MYO1G: variants seen among roughly 807,000 people sequenced by gnomAD.
The protein encoded by MYO1G is myosin IG, also known as unconventional myosin-Ig.
Under a neutral mutation model 115.3 loss-of-function variants are expected in MYO1G, and 65 were observed. The ratio of observed to expected loss-of-function variants is 0.56; its 90% CI spans 0.46 to 0.69. The LOEUF (loss-of-function observed/expected upper bound fraction) is 0.69. MYO1G is among the 30% of genes least tolerant of loss of function. MYO1G has a pLI of 0.00. For missense variants in MYO1G, 1,204 were observed against 1,393.5 expected, an observed-to-expected ratio of 0.86 and a Z score of 2.16; for synonymous variants, 510 against 552.6, an observed-to-expected ratio of 0.92 and a Z score of 1.08.
In MYO1G at chr7:44,964,281, GC is replaced by G; in HGVS notation, c.2632-120del. The G allele has an allele frequency of 7.8e-7, 1 of 1,281,922 alleles. No individual in the cohort carries two copies. The highest frequency in any genetic ancestry group is 1.1e-6 in the Non-Finnish European group (1 of 896,470). The allele number at this position is 1,281,922 out of a possible 1,614,324, so 79.4% of individuals were successfully genotyped here. On this transcript the variant is annotated intron_variant, in intron 19 of 21. Transcript: ENST00000258787. The surrounding 1 kb of genome is among the most constrained non-coding windows in gnomAD (Gnocchi z 5.1). ...GGCGACAGTTTTGGGAGTGTCAGGA[GC>G]AGCTGGGCCTGGGCTGGGGTTGCCT...
At chr7:44,972,863 G>A (rs1268458294) in intron 5 of MYO1G, 1 of 151,246 alleles carries the variant, frequency 6.6e-6, no homozygotes, top group African/African-American at 2.4e-5. Flanking sequence ...TGTCCCAAAA[G>A]TTCCCACTTC....
Position 44,964,940 on chromosome 7 carries a change from C to G in MYO1G, c.2526+5G>C. On this transcript the variant is annotated splice_donor_5th_base_variant and intron_variant, in intron 18 of 21. Coordinates refer to ENST00000258787, the MANE Select transcript of MYO1G (RefSeq NM_033054.3). This position sits in a 1 kb window ranked among gnomAD's most constrained non-coding sequence, Gnocchi z 5.1. ...CTGGCAGCCCTGGACTCGCCTGGCA[C>G]TTACAGAGGACAGGTAGTCTCGGGC... 1 of 1,590,548 alleles carries G rather than the reference C, an allele frequency of 6.3e-7. No individual in the cohort carries two copies.
Position 44,968,106 on chromosome 7 carries a change from C to T in MYO1G, c.1575-148G>A, listed in dbSNP as rs969269702. 11 of 650,516 alleles carry T rather than the reference C, an allele frequency of 1.7e-5. No homozygotes were observed. In the East Asian group the frequency reaches 3.0e-4, roughly 18 times the overall value. The allele number at this position is 650,516 out of a possible 1,614,324, so 40.3% of individuals were successfully genotyped here. ...CTCCCTCTGCCTTGGCTCCTCTCCT[C>T]CTTCCCCCTCACACCTGCTTTCTCT... is the stretch of plus-strand genomic sequence containing the variant. On this transcript the variant is annotated intron_variant, in intron 12 of 21. Transcript: ENST00000258787.
At chr7:44,978,638 G>T (rs547785066) in intron 1 of MYO1G, among the ~76,000 whole-genome samples, 1 of 152,234 alleles carries the variant, frequency 6.6e-6, no homozygotes, top group South Asian at 2.1e-4. Context: ...GGGCAGCTCC[G>T]GTGCTGACTT....
At chr7:44,971,632 T>C (rs1414274411) in intron 7 of MYO1G, 41 bp downstream of exon 7, 1 of 1,447,124 alleles carries the variant, frequency 6.9e-7, no homozygotes, top group Non-Finnish European at 9.5e-7. Context: ...AGGAAACCCT[T>C]GTGGGGAAGT....
intron 7 of MYO1G, among the ~76,000 whole-genome samples, 165 bp downstream of exon 7, chr7:44,971,508 T>C (rs938466591): frequency 7.2e-5 from 11 of 152,186 alleles, no homozygotes; most frequent in African/African-American, 2.7e-4. Flanking sequence ...GGACCATGTA[T>C]CAACTGAGCT....
rs149536776 is a variant in MYO1G, at chr7:44,970,600, G to T, written c.1209C>A (p.Pro403=). Residue 403 remains proline (P), a synonymous_variant, in exon 9 of 22, where the codon CCC becomes CCA. Transcript: ENST00000258787. ...VLDIYGFEVF[P]VNSFEQFCIN... Reference sequence around the variant, plus strand: ...GCTGGCCAGCCACCCACCTGTTGACGGGAAACACCTCGAAGCCATAGATGT... The same window carrying T: ...GCTGGCCAGCCACCCACCTGTTGACTGGAAACACCTCGAAGCCATAGATGT... 2 of 1,613,182 alleles carry T rather than the reference G, an allele frequency of 1.2e-6. No homozygotes were observed. Among genetic ancestry groups the T allele is most frequent in the African/African-American group, 1.3e-5 (1 of 74,920 alleles).
chr7:44,970,455 G>T, intron 9 of MYO1G, 137 bp downstream of exon 9: 1 of 1,141,418 alleles, frequency 8.8e-7, no homozygotes. Context: ...GGTTTGGGAG[G>T]CATGAGCCTT....
At chr7:44,973,443 A>G (rs959467957) in intron 5 of MYO1G, 3 of 152,170 alleles carry the variant, frequency 2.0e-5, no homozygotes, top group African/African-American at 7.2e-5. Flanking sequence ...TGGGCAGCCC[A>G]GAGTCCGTGG....
In MYO1G at chr7:44,970,720, C is replaced by G. The variant is rs1256124879; in HGVS notation, c.1089G>C (p.Leu363=). 2 of 1,614,026 alleles carry G rather than the reference C, an allele frequency of 1.2e-6. No homozygotes were observed. The highest frequency in any genetic ancestry group is 2.2e-5 in the South Asian group (2 of 91,086). Residue 363 remains leucine (L), a synonymous_variant, in exon 9 of 22, where the codon CTG becomes CTC. Coordinates refer to ENST00000258787, the MANE Select transcript of MYO1G (RefSeq NM_033054.3). ...DACAKAVYQR[L]FEWVVNRINS... is the part of the protein sequence containing the mutation. Reference sequence around the variant, plus strand: ...TGATCCTGTTCACCACCCACTCAAACAGCCGCTGGTACACTGCCTGGGGGA... The same window carrying G: ...TGATCCTGTTCACCACCCACTCAAAGAGCCGCTGGTACACTGCCTGGGGGA...
Position 44,969,891 on chromosome 7 carries a change from C to T in MYO1G, c.1333-16G>A. 1 of 1,594,306 alleles carries T rather than the reference C, an allele frequency of 6.3e-7. No homozygotes were observed. The highest frequency in any genetic ancestry group is 1.3e-5 in the African/African-American group (1 of 74,766). Reference sequence around the variant, plus strand: ...AATACTCAACCTGGGGCAAAGGCAGCCAGCAAGGAAGCTCCCAAGGTCTTT... The same window carrying T: ...AATACTCAACCTGGGGCAAAGGCAGTCAGCAAGGAAGCTCCCAAGGTCTTT... On this transcript the variant is annotated splice_polypyrimidine_tract_variant and intron_variant, in intron 10 of 21. Coordinates refer to ENST00000258787, the MANE Select transcript of MYO1G (RefSeq NM_033054.3). The surrounding 1 kb of genome is among the most constrained non-coding windows in gnomAD (Gnocchi z 5.0).
In MYO1G at chr7:44,963,910, G is replaced by A. The variant is rs999803429; in HGVS notation, c.2745+139C>T. 8.6e-6 allele frequency: 6 copies of A among 697,694 alleles called. No individual in the cohort carries two copies. The Admixed American group carries it at 9.5e-5, about 11-fold the overall frequency. The allele number at this position is 697,694 out of a possible 1,614,324, so 43.2% of individuals were successfully genotyped here. A position where few individuals can be genotyped will look rare whatever the true frequency, so the allele number is the denominator to read the frequency against. ...GAAGCCACTGCAGGATTTTCAGCACGGGTGCCACCATCGCTGAGTTTTAGG... is the reference window on the plus strand; with the variant it reads ...GAAGCCACTGCAGGATTTTCAGCACAGGTGCCACCATCGCTGAGTTTTAGG... On this transcript the variant is annotated intron_variant, in intron 20 of 21. Coordinates refer to ENST00000258787, the MANE Select transcript of MYO1G (RefSeq NM_033054.3). The surrounding 1 kb of genome is among the most constrained non-coding windows in gnomAD (Gnocchi z 4.1).
In MYO1G at chr7:44,964,041, T is replaced by C. The variant is rs1794795451; in HGVS notation, c.2745+8A>G. ...TGCTGCACCCTACTCCCCACCCACA[T>C]TGCTCACCGCCTCAAGGGGCACGGC... On this transcript the variant is annotated splice_region_variant and intron_variant, in intron 20 of 21. Coordinates refer to ENST00000258787, the MANE Select transcript of MYO1G (RefSeq NM_033054.3). The surrounding 1 kb of genome is among the most constrained non-coding windows in gnomAD (Gnocchi z 5.1). 1 of 1,571,364 alleles carries C rather than the reference T, an allele frequency of 6.4e-7. No homozygotes were observed. The highest frequency in any genetic ancestry group is 1.9e-5 in the Admixed American group (1 of 53,866).
intron 12 of MYO1G, 141 bp from the exon 13 acceptor site, chr7:44,968,099 C>T (rs1794880939): frequency 4.4e-6 from 3 of 674,530 alleles, no homozygotes; most frequent in African/African-American, 3.6e-5. Context: ...GCCTTGGCTC[C>T]TCTCCTCCTT....
At position 44,969,274 on chromosome 7, in the gene MYO1G, A is replaced by G; in HGVS notation, c.1574+139T>C. 1.3e-6 allele frequency: 1 copy of G among 754,632 alleles called. No individual in the cohort carries two copies. The highest frequency in any genetic ancestry group is 2.4e-6 in the Non-Finnish European group (1 of 419,220). 46.7% of individuals were successfully genotyped at this position (754,632 alleles called of 1,614,324 possible). A position where few individuals can be genotyped will look rare whatever the true frequency, so the allele number is the denominator to read the frequency against. ...GTGAATCTGCTGTCCGGCATGTTTC[A>G]GTGTCTTAAAGGGGTGGGGGTGGCA... is the stretch of plus-strand genomic sequence containing the variant. On this transcript the variant is annotated intron_variant, in intron 12 of 21. Transcript: ENST00000258787. This position sits in a 1 kb window ranked among gnomAD's most constrained non-coding sequence, Gnocchi z 5.0.
At chr7:44,970,271 C>T in intron 9 of MYO1G, 117 bp from the exon 10 acceptor site, 1 of 787,276 alleles carries the variant, frequency 1.3e-6, no homozygotes, top group Non-Finnish European at 2.1e-6. Context: ...GGTGCCAGCA[C>T]CCTGTGTGGC....
rs1479447468 is a variant in MYO1G at position 44,966,178 on chromosome 7, C to A, written c.2052G>T (p.Val684=). 1 of 1,612,824 alleles carries A rather than the reference C, an allele frequency of 6.2e-7. No homozygotes were observed. The highest frequency in any genetic ancestry group is 8.5e-7 in the Non-Finnish European group (1 of 1,179,908). The part of the protein sequence containing the change: ...LLEQHGLQGD[V]AFGHSKLFIR... ...TGAACAGCTTGCTGTGGCCAAAGGCCACGTCCCCCTGCAGCCCGTGCTGCT... is the reference window on the plus strand; with the variant it reads ...TGAACAGCTTGCTGTGGCCAAAGGCAACGTCCCCCTGCAGCCCGTGCTGCT... Residue 684 remains valine (V), a synonymous_variant, in exon 16 of 22, where the codon GTG becomes GTT. Transcript: ENST00000258787. This position sits in a 1 kb window ranked among gnomAD's most constrained non-coding sequence, Gnocchi z 5.0.
At chr7:44,967,534 A>T in intron 14 of MYO1G, 71 bp downstream of exon 14, 2 of 1,591,526 alleles carry the variant, frequency 1.3e-6, no homozygotes, top group Non-Finnish European at 1.7e-6. Context: ...GGTGGTTGGG[A>T]CCCTACTTGG....
chr7:44,969,363 C>G lies in MYO1G; in HGVS notation c.1574+50G>C. On this transcript the variant is annotated intron_variant, in intron 12 of 21. Transcript: ENST00000258787. The surrounding 1 kb of genome is among the most constrained non-coding windows in gnomAD (Gnocchi z 5.0). The stretch of plus-strand genomic sequence containing the variant: ...AAGCGCTCCTGCCCCATGACACATG[C>G]CATGGTGCCTGTGGGAAAGCCAGGG... 2 of 1,588,752 alleles carry G rather than the reference C, an allele frequency of 1.3e-6. No homozygotes were observed. Among genetic ancestry groups the G allele is most frequent in the Non-Finnish European group, 1.7e-6 (2 of 1,157,522 alleles).
Sources: gnomAD v4.1 joint callset for allele counts (sites outside exome capture counted in the v4.1 genomes callset) on GRCh38, gnomAD v4.1.1 for gene constraint, Gnocchi (gnomAD v3.1) non-coding constraint, MANE v1.5 for transcripts, NCBI Gene and HGNC (gene_info 2026-07-23, HGNC 2026-07-21) for gene names.